The following ANKRD62 variants were observed in gnomAD, a reference collection of about 807,000 sequenced individuals.
ANKRD62 encodes ankyrin repeat domain-containing protein 62.
ANKRD62 carries 61 observed loss-of-function variants against 98.8 expected under a neutral mutation model. That is an observed-to-expected ratio of 0.62 (90% CI 0.50 to 0.76). The LOEUF (loss-of-function observed/expected upper bound fraction) is 0.76. Ranked by LOEUF, ANKRD62 falls within the 30% of genes least tolerant of loss-of-function variation. The pLI, the probability that ANKRD62 is intolerant of heterozygous loss-of-function variation, is 0.00. For missense variants in ANKRD62, 933 were observed against 1,082.9 expected, an observed-to-expected ratio of 0.86 and a Z score of 1.94; for synonymous variants, 341 against 367.9, an observed-to-expected ratio of 0.93 and a Z score of 0.84.
At chr18:12,156,906 G>C in the ANKRD62 span, among the ~76,000 whole-genome samples, 2 of 152,118 alleles carry the variant, frequency 1.3e-5, no homozygotes, top group East Asian at 3.9e-4. Context: ...GCATAGTTTT[G>C]CTGATAAGAT....
chr18:12,121,151 C>A (rs1909774143), intron 10 of ANKRD62, among the ~76,000 whole-genome samples: 2 of 152,180 alleles, frequency 1.3e-5, no homozygotes, highest in Admixed American at 1.3e-4. Flanking sequence ...TTGTAATTTA[C>A]ATTTCTGCAA....
At chr18:12,117,053 C>T (rs762800665) in intron 10 of ANKRD62, among the ~76,000 whole-genome samples, 2 of 152,044 alleles carry the variant, frequency 1.3e-5, no homozygotes, top group African/African-American at 4.8e-5. Context: ...TTGTTTATCA[C>T]GAGGGTATGG....
At chr18:12,168,102 G>A in the ANKRD62 span, among the ~76,000 whole-genome samples, 2 of 152,096 alleles carry the variant, frequency 1.3e-5, no homozygotes, top group African/African-American at 2.4e-5. Context: ...CACTCTGATG[G>A]TAGTTTCTTT....
Position 12,095,430 on chromosome 18 carries a change from C to G in ANKRD62, c.334-7C>G, listed in dbSNP as rs950148555. 7.0e-6 allele frequency: 11 copies of G among 1,567,474 alleles called. No homozygotes were observed. The highest frequency in any genetic ancestry group is 8.6e-6 in the Non-Finnish European group (10 of 1,161,184). ...TTACAGTCTATTTCTTGGTCTAATA[C>G]TGACAGGCTGTACAATGTCAAGAAG... On this transcript the variant is annotated splice_polypyrimidine_tract_variant and splice_region_variant and intron_variant, in intron 2 of 13. Transcript: ENST00000587848.
chr18:12,151,454 G>T, the ANKRD62 span, among the ~76,000 whole-genome samples: 1 of 152,162 alleles, frequency 6.6e-6, no homozygotes, highest in Non-Finnish European at 1.5e-5. Flanking sequence ...ACGTAATTCT[G>T]TCCCTGAAAA....
chr18:12,156,828 G>T, the ANKRD62 span, among the ~76,000 whole-genome samples: 1 of 152,106 alleles, frequency 6.6e-6, no homozygotes, highest in Non-Finnish European at 1.5e-5. Flanking sequence ...TTGAGTCATT[G>T]CTTGATTGAA....
At chr18:12,139,905 T>C in the ANKRD62 span, among the ~76,000 whole-genome samples, 5 of 152,212 alleles carry the variant, frequency 3.3e-5, no homozygotes, top group Non-Finnish European at 5.9e-5. Flanking sequence ...CCTTGCTAGA[T>C]TGGGGAAGTT....
In ANKRD62 at chr18:12,117,801, T is replaced by C. The variant is rs75376261; in HGVS notation, c.1240+2267T>C. Among the ~76,000 whole-genome samples, 485 of 152,336 alleles carry C rather than the reference T, an allele frequency of 3.2e-3. 1 individual carries two copies. The highest frequency in any genetic ancestry group is 6.8e-3 in the Middle Eastern group (2 of 294). ...GAATGTTAAGCCAACCCTGCAGTCC[T>C]GGGAAAAAACCCCATTTGTTTATGA... is the stretch of plus-strand genomic sequence containing the variant. On this transcript the variant is annotated intron_variant, in intron 10 of 13. Transcript: ENST00000587848.
intron 7 of ANKRD62, among the ~76,000 whole-genome samples, chr18:12,105,018 G>C (rs1909383273): frequency 6.6e-6 from 1 of 152,116 alleles, no homozygotes; most frequent in Non-Finnish European, 1.5e-5. Context: ...TGAAATAAAA[G>C]AAGACCAAGA....
rs1288767260 is a variant in ANKRD62 at position 12,094,009 on chromosome 18, G to T, written c.-9G>T. On this transcript the variant is annotated 5_prime_UTR_variant, in exon 1 of 14. Coordinates refer to ENST00000587848, the MANE Select transcript of ANKRD62 (RefSeq NM_001277333.2). ...TTCCTCAGCCTGGGAGAAGATCTCT[G>T]GCTTCAGGATGGAGGTCAGGGGGTC... is the stretch of plus-strand genomic sequence containing the variant. 1.3e-6 allele frequency: 2 copies of T among 1,534,778 alleles called. No individual in the cohort carries two copies. The highest frequency in any genetic ancestry group is 2.0e-5 in the Admixed American group (1 of 50,980).
chr18:12,171,397 A>C, the ANKRD62 span, among the ~76,000 whole-genome samples: 11 of 152,270 alleles, frequency 7.2e-5, no homozygotes, highest in Admixed American at 6.5e-4. Context: ...TCACTTATGA[A>C]ACTTAGTTTG....
intron 8 of ANKRD62, among the ~76,000 whole-genome samples, chr18:12,113,689 C>T (rs936118470): frequency 3.3e-5 from 5 of 152,104 alleles, no homozygotes; most frequent in East Asian, 3.9e-4. Flanking sequence ...AATGCGTATA[C>T]GCTGTTGGTG....
the ANKRD62 span, among the ~76,000 whole-genome samples, chr18:12,153,541 A>C: frequency 2.7e-5 from 4 of 150,798 alleles, no homozygotes; most frequent in African/African-American, 9.8e-5. Flanking sequence ...TCAGTGAGCC[A>C]GGATCACATC....
the ANKRD62 span, among the ~76,000 whole-genome samples, chr18:12,157,317 A>G: frequency 6.6e-6 from 1 of 152,214 alleles, no homozygotes; most frequent in Non-Finnish European, 1.5e-5. Context: ...AACCACGACC[A>G]TGATCAAAAT....
At chr18:12,168,233 G>A in the ANKRD62 span, among the ~76,000 whole-genome samples, 1 of 152,134 alleles carries the variant, frequency 6.6e-6, no homozygotes, top group Non-Finnish European at 1.5e-5. Flanking sequence ...GAATGGTATT[G>A]CCTAGGTTTT....
At chr18:12,116,024 A>G (rs1172692309) in intron 10 of ANKRD62, among the ~76,000 whole-genome samples, 2 of 151,708 alleles carry the variant, frequency 1.3e-5, no homozygotes, top group Non-Finnish European at 2.9e-5. Context: ...TTCATTCCAT[A>G]CCCTTGTTTC....
intron 8 of ANKRD62, among the ~76,000 whole-genome samples, chr18:12,110,899 A>G (rs1344473244): frequency 6.6e-6 from 1 of 152,136 alleles, no homozygotes; most frequent in Non-Finnish European, 1.5e-5. Flanking sequence ...TGAACTTAAG[A>G]TCTTTCTTTT....
At chr18:12,100,139 A>G (rs575617527) in intron 6 of ANKRD62, among the ~76,000 whole-genome samples, 25 of 152,290 alleles carry the variant, frequency 1.6e-4, no homozygotes, top group Admixed American at 3.3e-4. Context: ...ATCTGTATAT[A>G]ACTCTGGACT....
chr18:12,102,863 C>A, intron 6 of ANKRD62: 1 of 779,692 alleles, frequency 1.3e-6, no homozygotes, highest in Non-Finnish European at 1.6e-6. Context: ...TTTTGTTTTT[C>A]TGATGGTTTT....
Sources: gnomAD v4.1 joint callset for allele counts (sites outside exome capture counted in the v4.1 genomes callset) on GRCh38, gnomAD v4.1.1 for gene constraint, MANE v1.5 for transcripts, NCBI Gene and HGNC (gene_info 2026-07-23, HGNC 2026-07-21) for gene names.